PODXL2: variants seen among roughly 807,000 people sequenced by gnomAD.
PODXL2 encodes podocalyxin-like protein 2.
A neutral mutation model predicts 53.4 loss-of-function variants in PODXL2; 17 were observed. The ratio of observed to expected loss-of-function variants is 0.32; its 90% CI spans 0.22 to 0.48. PODXL2 has a LOEUF of 0.48. Ranked by LOEUF, PODXL2 falls within the 20% of genes least tolerant of loss-of-function variation. The probability of loss-of-function intolerance (pLI) is 0.99; values close to 1 mark genes in which losing one functional copy is unlikely to be tolerated. For missense variants in PODXL2, 673 were observed against 760.0 expected (o/e 0.89, Z 1.35); for synonymous variants, 311 against 306.7 (o/e 1.01, Z -0.15).
At chr3:127,655,060 A>G (rs1231947974) in intron 2 of PODXL2, among the ~76,000 whole-genome samples, 2 of 152,052 alleles carry the variant, frequency 1.3e-5, no homozygotes, top group Non-Finnish European at 2.9e-5. Context: ...CTCATGCCTC[A>G]GCCTCCCAAA....
chr3:127,638,707 T>A (rs2107704222), intron 1 of PODXL2, among the ~76,000 whole-genome samples: 1 of 152,076 alleles, frequency 6.6e-6, no homozygotes, highest in African/African-American at 2.4e-5. Context: ...AGAGCAAGAC[T>A]CCATCTCAAA....
At chr3:127,651,966 C>G (rs953901908) in intron 2 of PODXL2, among the ~76,000 whole-genome samples, 4 of 152,188 alleles carry the variant, frequency 2.6e-5, no homozygotes, top group African/African-American at 9.7e-5. Flanking sequence ...GTGATTCAAG[C>G]CCAGCTTTAA....
At chr3:127,646,581 T>C (rs192998516) in intron 2 of PODXL2, among the ~76,000 whole-genome samples, 21 of 152,010 alleles carry the variant, frequency 1.4e-4, no homozygotes, top group Admixed American at 1.2e-3. Context: ...GGAGACGGGG[T>C]TTCCCCATGT....
At chr3:127,660,348 A>G (rs748112893) in intron 2 of PODXL2, 30 bp from the exon 3 acceptor site, 1 of 1,596,772 alleles carries the variant, frequency 6.3e-7, no homozygotes, top group African/African-American at 1.3e-5. Flanking sequence ...TGATGAAACA[A>G]GTGAATGAAC....
chr3:127,648,783 A>ATT (rs2074671212), intron 2 of PODXL2, among the ~76,000 whole-genome samples: 1 of 100,812 alleles, frequency 9.9e-6, no homozygotes, highest in African/African-American at 3.8e-5. Flanking sequence ...TAATTTTTGT[A>ATT]TTTCTTTTTT....
chr3:127,630,463 A>G (rs969835794), intron 1 of PODXL2, among the ~76,000 whole-genome samples: 2 of 152,268 alleles, frequency 1.3e-5, no homozygotes, highest in Middle Eastern at 3.4e-3. Flanking sequence ...TGCACAGGAC[A>G]TTTCCCACGC....
At chr3:127,669,388 C>T (rs1576436492) in intron 6 of PODXL2, among the ~76,000 whole-genome samples, 186 bp downstream of exon 6, 2 of 142,504 alleles carry the variant, frequency 1.4e-5, no homozygotes, top group African/African-American at 5.3e-5. Flanking sequence ...GGTGCATGTG[C>T]ATGCTACCAA....
At chr3:127,645,899 T>C (rs916072140) in intron 2 of PODXL2, among the ~76,000 whole-genome samples, 1 of 151,974 alleles carries the variant, frequency 6.6e-6, no homozygotes, top group African/African-American at 2.4e-5. Flanking sequence ...CTCTTGGGGG[T>C]TGGAGGAGTC....
chr3:127,671,646 G>A lies in PODXL2; in HGVS notation c.1605+33G>A, dbSNP rs750943061. 4 of 1,597,872 alleles carry A rather than the reference G, an allele frequency of 2.5e-6. No individual in the cohort carries two copies. In the African/African-American group the frequency reaches 4.0e-5, roughly 16 times the overall value. On this transcript the variant is annotated intron_variant, in intron 7 of 7. Transcript: ENST00000342480. ...TGGGGACAGGTGGGGCTGGGGGCCAGTTGAGAGGAGAGTGCCCATCGATAG... is the reference window on the plus strand; with the variant it reads ...TGGGGACAGGTGGGGCTGGGGGCCAATTGAGAGGAGAGTGCCCATCGATAG...
chr3:127,640,672 G>A (rs1025748649), intron 2 of PODXL2, among the ~76,000 whole-genome samples: 1 of 151,534 alleles, frequency 6.6e-6, no homozygotes, highest in African/African-American at 2.4e-5. Context: ...CTGCTCTCCA[G>A]CCTGGGCGAC....
Position 127,671,571 on chromosome 3 carries a change from C to T in PODXL2, c.1563C>T (p.Leu521=), listed in dbSNP as rs1313714258. 3 of 1,613,994 alleles carry T rather than the reference C, an allele frequency of 1.9e-6. No homozygotes were observed. The highest frequency in any genetic ancestry group is 1.7e-5 in the Admixed American group (1 of 60,016). The change falls in exon 7 of 8, where the codon CTC becomes CTT. Residue 521 remains leucine, a synonymous_variant. Transcript: ENST00000342480. The part of the protein sequence containing the change: ...ICIIIIALGL[L]YNCWQRRLPK... The stretch of plus-strand genomic sequence containing the variant: ...TCATCATCATTGCGCTTGGCCTGCT[C>T]TACAACTGCTGGCAGCGCCGGCTGC...
At chr3:127,631,805 G>A (rs1252931652) in intron 1 of PODXL2, among the ~76,000 whole-genome samples, 1 of 152,022 alleles carries the variant, frequency 6.6e-6, no homozygotes, top group African/African-American at 2.4e-5. Flanking sequence ...AAAATATCAA[G>A]TTCTATGTAA....
chr3:127,636,397 G>A (rs1282890645), intron 1 of PODXL2, among the ~76,000 whole-genome samples: 1 of 152,216 alleles, frequency 6.6e-6, no homozygotes, highest in Non-Finnish European at 1.5e-5. Context: ...GAGGTCATGG[G>A]AAAGTCTTGA....
In PODXL2 at chr3:127,649,099, G is replaced by A. The variant is rs532600834; in HGVS notation, c.349+9576G>A. ...GAGCCATTGCACCCAGCTCTTTCCA[G>A]ACTTTTTTTTTTTCCTTTATAGGAC... is the stretch of plus-strand genomic sequence containing the variant. On this transcript the variant is annotated intron_variant, in intron 2 of 7. Coordinates refer to ENST00000342480, the MANE Select transcript of PODXL2 (RefSeq NM_015720.4). Among the ~76,000 whole-genome samples the A allele has an allele frequency of 7.2e-5, 11 of 151,798 alleles. No individual in the cohort carries two copies. The East Asian group carries it at 2.1e-3, about 29-fold the overall frequency.
At chr3:127,630,874 A>C (rs187640073) in intron 1 of PODXL2, among the ~76,000 whole-genome samples, 1 of 152,310 alleles carries the variant, frequency 6.6e-6, no homozygotes, top group South Asian at 2.1e-4. Flanking sequence ...TTGGTCTGCT[A>C]TTTCTTTGTG....
chr3:127,660,083 A>G (rs2074754437), intron 2 of PODXL2, among the ~76,000 whole-genome samples: 2 of 152,226 alleles, frequency 1.3e-5, no homozygotes, highest in African/African-American at 4.8e-5. Context: ...TGGAGAATAT[A>G]TACCTCAAAC....
intron 2 of PODXL2, among the ~76,000 whole-genome samples, chr3:127,654,819 G>C (rs966272292): frequency 3.3e-5 from 5 of 152,148 alleles, no homozygotes; most frequent in African/African-American, 1.2e-4. Context: ...AGGTGCGGTG[G>C]CTTACGCCTA....
chr3:127,671,274 G>A (rs2074833818), intron 6 of PODXL2, among the ~76,000 whole-genome samples, 160 bp from the exon 7 acceptor site: 2 of 152,090 alleles, frequency 1.3e-5, no homozygotes. Flanking sequence ...ATGGGCATGG[G>A]GTAGAGGCAA....
chr3:127,641,652 C>G (rs1247684547), intron 2 of PODXL2, among the ~76,000 whole-genome samples: 1 of 151,368 alleles, frequency 6.6e-6, no homozygotes. Context: ...TAGCTGGGAT[C>G]ATAGGCATGT....
Sources: allele counts gnomAD v4.1 joint callset (sites outside exome capture counted in the v4.1 genomes callset), GRCh38; gene constraint gnomAD v4.1.1; transcripts MANE v1.5; gene names NCBI Gene and HGNC (gene_info 2026-07-23, HGNC 2026-07-21).